Variants in EXOC2 observed in about 807,000 individuals in gnomAD.
EXOC2 encodes SEC5-like 1.
In EXOC2, 70 loss-of-function variants were observed where a neutral mutation model predicts 131.8. The ratio of observed to expected loss-of-function variants is 0.53; its 90% CI spans 0.44 to 0.65. EXOC2 has a LOEUF of 0.65. EXOC2 is among the 30% of genes least tolerant of loss of function. The pLI, the probability that EXOC2 is intolerant of heterozygous loss-of-function variation, is 0.00. For synonymous variants in EXOC2, 411 were observed against 398.4 expected, an observed-to-expected ratio of 1.03 and a Z score of -0.38; for missense variants, 923 against 1,108.6, an observed-to-expected ratio of 0.83 and a Z score of 2.38.
At position 512,239 on chromosome 6, in the gene EXOC2, A is replaced by G. The variant is rs150527139; in HGVS notation, c.2381-12539T>C. On this transcript the variant is annotated intron_variant, in intron 23 of 27. Transcript: ENST00000230449. ...CAATTCCAGTTGGTCCACGAACAAT[A>G]CAGGTTTGAACCGCGTGGGTCCACC... 4.9e-3 allele frequency among the ~76,000 whole-genome samples: 741 copies of G among 152,352 alleles called. 7 individuals carry two copies. The Middle Eastern group carries it at 0.061, about 13-fold the overall frequency.
chr6:576,301 G>C (rs1758573517), intron 12 of EXOC2, among the ~76,000 whole-genome samples: 1 of 152,120 alleles, frequency 6.6e-6, no homozygotes, highest in Non-Finnish European at 1.5e-5. Context: ...TAAAATTTTA[G>C]ATGCTTCATC....
At chr6:647,651 G>A (rs981680439) in intron 1 of EXOC2, among the ~76,000 whole-genome samples, 2 of 131,878 alleles carry the variant, frequency 1.5e-5, no homozygotes, top group African/African-American at 5.7e-5. Context: ...TCCAGTGACT[G>A]GGGCTCTGGC....
chr6:632,591 G>C (rs1761909396), intron 3 of EXOC2, among the ~76,000 whole-genome samples: 2 of 152,152 alleles, frequency 1.3e-5, no homozygotes, highest in Admixed American at 1.3e-4. Flanking sequence ...GGCCAAATCA[G>C]GATTTTTCAC....
chr6:538,018 T>C (rs1163629265), intron 22 of EXOC2, among the ~76,000 whole-genome samples: 2 of 152,124 alleles, frequency 1.3e-5, no homozygotes, highest in Non-Finnish European at 2.9e-5. Context: ...ATCCATAAGC[T>C]TAAGATTTGT....
intron 6 of EXOC2, among the ~76,000 whole-genome samples, chr6:612,297 C>CT (rs1409582860): frequency 6.6e-6 from 1 of 152,244 alleles, no homozygotes; most frequent in Non-Finnish European, 1.5e-5. Flanking sequence ...AGCTCCCGGC[C>CT]TGTACAAAGG....
chr6:614,120 G>T (rs1760857270), intron 6 of EXOC2, among the ~76,000 whole-genome samples: 1 of 151,996 alleles, frequency 6.6e-6, no homozygotes, highest in South Asian at 2.1e-4. Flanking sequence ...GTCCTGGGAG[G>T]TAATCTCTAA....
At chr6:658,740 C>T (rs1029341578) in intron 1 of EXOC2, among the ~76,000 whole-genome samples, 1 of 147,598 alleles carries the variant, frequency 6.8e-6, no homozygotes, top group Non-Finnish European at 1.5e-5. Flanking sequence ...CGGCTCACTG[C>T]GACCTCTACC....
chr6:686,406 T>C (rs1213518896), intron 1 of EXOC2, among the ~76,000 whole-genome samples: 1 of 152,240 alleles, frequency 6.6e-6, no homozygotes, highest in Non-Finnish European at 1.5e-5. Context: ...TTAAACCATA[T>C]AACTGATAAA....
intron 1 of EXOC2, among the ~76,000 whole-genome samples, chr6:663,882 C>A (rs1158065997): frequency 6.6e-6 from 1 of 152,166 alleles, no homozygotes; most frequent in African/African-American, 2.4e-5. Context: ...GGGAACAAGA[C>A]AAGGATGCCC....
At chr6:564,435 G>A (rs1757860731) in intron 15 of EXOC2, 110 bp downstream of exon 15, 9 of 1,448,236 alleles carry the variant, frequency 6.2e-6, no homozygotes, top group Non-Finnish European at 8.5e-6. Flanking sequence ...GAGGCAAAAG[G>A]ACAAAAAGAA....
intron 1 of EXOC2, among the ~76,000 whole-genome samples, chr6:670,911 G>A (rs1185333772): frequency 6.6e-6 from 1 of 151,992 alleles, no homozygotes; most frequent in East Asian, 1.9e-4. Context: ...GCAACTGTAG[G>A]TCAAGAAAGT....
intron 4 of EXOC2, among the ~76,000 whole-genome samples, chr6:629,423 G>A (rs189145179): frequency 7.0e-4 from 107 of 152,284 alleles, no homozygotes; most frequent in Non-Finnish European, 1.2e-3. Context: ...AAGCAAGAAT[G>A]AGTAGACATT....
chr6:562,912 A>C, intron 16 of EXOC2, 67 bp from the exon 17 acceptor site: 1 of 1,155,364 alleles, frequency 8.7e-7, no homozygotes, highest in Non-Finnish European at 1.2e-6. Flanking sequence ...CAGATTAAAA[A>C]TGTATACAGG....
intron 27 of EXOC2, among the ~76,000 whole-genome samples, chr6:488,268 G>A (rs1458813274): frequency 6.6e-6 from 1 of 152,230 alleles, no homozygotes; most frequent in Non-Finnish European, 1.5e-5. Context: ...CACGGTGCCA[G>A]CATTTCAGTC....
rs766303730 is a variant in EXOC2, at chr6:633,067, C to G, written c.169G>C (p.Ala57Pro). 6.2e-7 allele frequency: 1 copy of G among 1,614,080 alleles called. No individual in the cohort carries two copies. The highest frequency in any genetic ancestry group is 1.1e-5 in the South Asian group (1 of 91,080). ...NCLLTAEWMS[A>P]SKIVCRVGQA... ...CCCACTCGACATACTATTTTACTTG[C>G]AGACATCCATTCTGCCGTCAGGAGG... The change falls in exon 3 of 28, where the codon GCA (alanine) becomes CCA (proline). Residue 57 changes from alanine (A) to proline (P), a missense_variant. Transcript: ENST00000230449.
intron 1 of EXOC2, among the ~76,000 whole-genome samples, chr6:647,892 T>C (rs995244887): frequency 6.6e-6 from 1 of 151,900 alleles, no homozygotes; most frequent in African/African-American, 2.4e-5. Context: ...TAGCCATGAA[T>C]CAAAAAGTCT....
chr6:551,950 T>C (rs1255425368), intron 21 of EXOC2, among the ~76,000 whole-genome samples: 1 of 152,186 alleles, frequency 6.6e-6, no homozygotes, highest in African/African-American at 2.4e-5. Flanking sequence ...GGCCCTTCTC[T>C]CATTCAGTGA....
intron 1 of EXOC2, among the ~76,000 whole-genome samples, chr6:641,646 T>A (rs920702581): frequency 6.6e-6 from 1 of 152,170 alleles, no homozygotes; most frequent in Non-Finnish European, 1.5e-5. Context: ...ATAAACCCAA[T>A]GAGACAACTC....
At chr6:608,608 C>T (rs1016249066) in intron 7 of EXOC2, among the ~76,000 whole-genome samples, 6 of 152,168 alleles carry the variant, frequency 3.9e-5, no homozygotes, top group Non-Finnish European at 4.4e-5. Context: ...ATTTTTAATA[C>T]CCCAAGTCCC....
Sources: allele counts gnomAD v4.1 joint callset (sites outside exome capture counted in the v4.1 genomes callset), GRCh38; gene constraint gnomAD v4.1.1; transcripts MANE v1.5; gene names NCBI Gene and HGNC (gene_info 2026-07-23, HGNC 2026-07-21).